Variants in GAS7 observed in about 807,000 individuals in gnomAD.
GAS7 encodes the protein growth arrest specific 7.
GAS7 carries 28 observed loss-of-function variants against 71.1 expected under a neutral mutation model. That is an observed-to-expected ratio of 0.39 (90% confidence interval 0.29 to 0.54). GAS7 has a LOEUF of 0.54. Among genes scored for constraint, GAS7 ranks in the 20% least tolerant of loss-of-function variants. GAS7 has a pLI of 0.62. For missense variants in GAS7, 436 were observed against 627.8 expected, an observed-to-expected ratio of 0.69 and a Z score of 3.27; for synonymous variants, 258 against 245.8, an observed-to-expected ratio of 1.05 and a Z score of -0.46.
At chr17:10,155,702 A>T (rs1213523670) in intron 1 of GAS7, among the ~76,000 whole-genome samples, 5 of 152,204 alleles carry the variant, frequency 3.3e-5, no homozygotes, top group African/African-American at 1.2e-4. Context: ...TCTCCTGTTC[A>T]GAGGCAGCCT....
intron 2 of GAS7, among the ~76,000 whole-genome samples, chr17:9,996,118 T>C (rs997839674): frequency 2.0e-5 from 3 of 152,208 alleles, no homozygotes; most frequent in African/African-American, 7.2e-5. Context: ...TAAAGACACA[T>C]GCACACGTAC....
chr17:10,068,656 C>T (rs950284167), intron 1 of GAS7, among the ~76,000 whole-genome samples: 4 of 151,644 alleles, frequency 2.6e-5, no homozygotes, highest in Middle Eastern at 3.4e-3. Flanking sequence ...TCCAGCTTCT[C>T]GGGAGGCTGA....
At chr17:10,196,411 T>C (rs2074540937) in intron 1 of GAS7, among the ~76,000 whole-genome samples, 1 of 152,162 alleles carries the variant, frequency 6.6e-6, no homozygotes, top group Admixed American at 6.6e-5. Context: ...GAAGTATTGC[T>C]CACGCAGATG....
At position 9,926,557 on chromosome 17, in the gene GAS7, G is replaced by T; in HGVS notation, c.1014+84C>A. 1 of 1,416,066 alleles carries T rather than the reference G, an allele frequency of 7.1e-7. No individual in the cohort carries two copies. Among genetic ancestry groups the T allele is most frequent in the Admixed American group, 1.7e-5 (1 of 58,982 alleles). 87.7% of individuals were successfully genotyped at this position (1,416,066 alleles called of 1,614,324 possible). A position where few individuals can be genotyped will look rare whatever the true frequency, so the allele number is the denominator to read the frequency against. ...GGACAAAGACTCAGCCTTGGCGTAT[G>T]GAGCCACTGCTGGCTTCCCAGTCCC... On this transcript the variant is annotated intron_variant, in intron 10 of 13. Transcript: ENST00000432992. This position sits in a 1 kb window ranked among gnomAD's most constrained non-coding sequence, Gnocchi z 5.0.
chr17:10,123,995 G>A (rs1254886805), intron 1 of GAS7, among the ~76,000 whole-genome samples: 1 of 152,246 alleles, frequency 6.6e-6, no homozygotes, highest in Non-Finnish European at 1.5e-5. Context: ...GGGAGCCCTT[G>A]CCAGGCCTCG....
chr17:10,074,670 CTG>C (rs1487675494), intron 1 of GAS7, among the ~76,000 whole-genome samples: 1 of 152,214 alleles, frequency 6.6e-6, no homozygotes. Flanking sequence ...CCTTAAAAAA[CTG>C]TACCTGTCGG....
intron 1 of GAS7, among the ~76,000 whole-genome samples, chr17:10,092,937 C>A (rs564435655): frequency 3.8e-4 from 58 of 152,328 alleles, no homozygotes; most frequent in Admixed American, 1.1e-3. Context: ...TCCAAAATAA[C>A]CTCCTAGTCC....
intron 3 of GAS7, among the ~76,000 whole-genome samples, chr17:9,976,396 T>C (rs1464496569): frequency 6.6e-6 from 1 of 152,234 alleles, no homozygotes; most frequent in Non-Finnish European, 1.5e-5. Flanking sequence ...GCTTTGAACC[T>C]GAGACTGGCT....
Position 9,969,410 on chromosome 17 carries a change from TG to T in GAS7, c.471+266del, listed in dbSNP as rs1400151545. On this transcript the variant is annotated intron_variant, in intron 4 of 13. Transcript: ENST00000432992. This position sits in a 1 kb window ranked among gnomAD's most constrained non-coding sequence, Gnocchi z 5.5. Reference sequence around the variant, plus strand: ...GGTATCAGGAATCCAGACCAGAGAATGGAACTCTCTGTCCTAATGGTTTCAA... The same window carrying T: ...GGTATCAGGAATCCAGACCAGAGAATGAACTCTCTGTCCTAATGGTTTCAA... Among the ~76,000 whole-genome samples the T allele has an allele frequency of 6.6e-6, 1 of 152,130 alleles. No homozygotes were observed. Among genetic ancestry groups the T allele is most frequent in the Non-Finnish European group, 1.5e-5 (1 of 68,022 alleles).
At chr17:9,973,514 A>G (rs765763136) in intron 3 of GAS7, among the ~76,000 whole-genome samples, 2 of 152,192 alleles carry the variant, frequency 1.3e-5, no homozygotes, top group Non-Finnish European at 2.9e-5. Context: ...TCAGCCTCCC[A>G]AAGTGCTGGG....
intron 1 of GAS7, among the ~76,000 whole-genome samples, chr17:10,172,678 A>C (rs2074344215): frequency 6.6e-6 from 1 of 152,246 alleles, no homozygotes. Flanking sequence ...TGCAGGGCTG[A>C]GTAAGCAAGG....
chr17:10,018,446 T>A (rs765190186), intron 2 of GAS7, among the ~76,000 whole-genome samples: 5 of 152,158 alleles, frequency 3.3e-5, no homozygotes, highest in Non-Finnish European at 4.4e-5. Context: ...ACGGTCCAAA[T>A]TCTGTGTTTG....
chr17:10,058,738 T>C (rs143711958), intron 1 of GAS7, among the ~76,000 whole-genome samples: 28 of 152,234 alleles, frequency 1.8e-4, no homozygotes, highest in African/African-American at 3.1e-4. Flanking sequence ...CAGTCCTCAA[T>C]AGGTTCACAC....
At chr17:10,053,403 A>G (rs2073090040) in intron 1 of GAS7, among the ~76,000 whole-genome samples, 1 of 152,188 alleles carries the variant, frequency 6.6e-6, no homozygotes, top group South Asian at 2.1e-4. Flanking sequence ...TGAGTTACCA[A>G]TGCTAGATCT....
intron 1 of GAS7, among the ~76,000 whole-genome samples, chr17:10,113,974 G>A (rs1294261623): frequency 6.6e-6 from 1 of 152,118 alleles, no homozygotes; most frequent in Non-Finnish European, 1.5e-5. Context: ...GAGTGCAGTG[G>A]TGTGATCACA....
rs369083707 is a variant in GAS7 at position 10,169,121 on chromosome 17, A to T, written c.183+29087T>A. Among the ~76,000 whole-genome samples, 12 of 151,914 alleles carry T rather than the reference A, an allele frequency of 7.9e-5. 2 individuals carry two copies. The highest frequency in any genetic ancestry group is 2.9e-4 in the African/African-American group (12 of 41,422). On this transcript the variant is annotated intron_variant, in intron 1 of 13. Transcript: ENST00000432992. ...GAAACCCTGTCTCTACTAAAAATAC[A>T]AAATAGCCAGGCATGGTGGCGCGCA...
chr17:10,096,344 T>G (rs1259722754), intron 1 of GAS7, among the ~76,000 whole-genome samples: 1 of 152,166 alleles, frequency 6.6e-6, no homozygotes, highest in African/African-American at 2.4e-5. Context: ...TCTCTCCAAG[T>G]TTTTTCTGTG....
chr17:10,046,781 AAAGAAAGG>A lies in GAS7; in HGVS notation c.184-26892_184-26885del, dbSNP rs1263152314. On this transcript the variant is annotated intron_variant, in intron 1 of 13. Transcript: ENST00000432992. Reference sequence around the variant, plus strand: ...AAAGAAAGAAAGAAGAGAAAGAAAGAAAGAAAGGAAGGAAGGAAGGAAGGAAGGAAGGA... The same window carrying A: ...AAAGAAAGAAAGAAGAGAAAGAAAGAAAGGAAGGAAGGAAGGAAGGAAGGA... Among the ~76,000 whole-genome samples the A allele has an allele frequency of 7.7e-3, 806 of 104,406 alleles. 3 individuals carry two copies. Among genetic ancestry groups the A allele is most frequent in the Non-Finnish European group, 0.011 (589 of 55,220 alleles). The allele number at this position is 104,406 out of a possible 152,430, so 68.5% of individuals were successfully genotyped here.
chr17:10,049,327 G>C (rs2073028183), intron 1 of GAS7, among the ~76,000 whole-genome samples: 1 of 152,110 alleles, frequency 6.6e-6, no homozygotes, highest in South Asian at 2.1e-4. Flanking sequence ...CCATGGCAAT[G>C]CTTTCTGTCA....
Sources: allele counts gnomAD v4.1 joint callset (sites outside exome capture counted in the v4.1 genomes callset), GRCh38; gene constraint gnomAD v4.1.1; non-coding constraint Gnocchi (gnomAD v3.1); transcripts MANE v1.5; gene names NCBI Gene and HGNC (gene_info 2026-07-23, HGNC 2026-07-21).